Variants in NRXN3 observed in about 807,000 individuals in gnomAD.
The protein encoded by NRXN3 is neurexin 3, also known as neurexin III.
In NRXN3, 32 loss-of-function variants were observed where a neutral mutation model predicts 137.6. The ratio of observed to expected loss-of-function variants is 0.23; its 90% confidence interval spans 0.18 to 0.31. The LOEUF is 0.31. Among genes scored for constraint, NRXN3 ranks in the 10% least tolerant of loss-of-function variants. NRXN3 has a pLI of 1.00. For missense variants in NRXN3, 1,574 were observed against 2,062.5 expected, an observed-to-expected ratio of 0.76 and a Z score of 4.59; for synonymous variants, 798 against 784.5, an observed-to-expected ratio of 1.02 and a Z score of -0.29.
chr14:79,045,480 G>C (rs2099631647), intron 15 of NRXN3, among the ~76,000 whole-genome samples: 1 of 152,122 alleles, frequency 6.6e-6, no homozygotes, highest in Admixed American at 6.5e-5. Context: ...CTGCTGCAGA[G>C]ACTGCAGGTG....
chr14:79,406,586 A>G (rs1328155118), intron 15 of NRXN3, among the ~76,000 whole-genome samples: 1 of 152,084 alleles, frequency 6.6e-6, no homozygotes, highest in African/African-American at 2.4e-5. Context: ...TACAGGCATC[A>G]GCCACTACTT....
At position 79,781,561 on chromosome 14, in the gene NRXN3, G is replaced by GCTA. The variant is rs370652860; in HGVS notation, c.4015-23548_4015-23546dup. Among the ~76,000 whole-genome samples the GCTA allele has an allele frequency of 4.0e-3, 611 of 152,300 alleles. 1 individual carries two copies. The highest frequency in any genetic ancestry group is 0.014 in the African/African-American group (579 of 41,564). ...GGGCCTCAGGCTTCCAGCCCTCTGA[G>GCTA]CTACTGTCTTATAACATTCTGAGGA... On this transcript the variant is annotated intron_variant, in intron 19 of 20. Coordinates refer to ENST00000335750, the MANE Select transcript of NRXN3 (RefSeq NM_001330195.2).
intron 5 of NRXN3, among the ~76,000 whole-genome samples, chr14:78,650,817 A>G (rs2097734639): frequency 6.6e-6 from 1 of 152,208 alleles, no homozygotes; most frequent in African/African-American, 2.4e-5. Context: ...CATGTAAGAA[A>G]TAAACAATCA....
intron 2 of NRXN3, among the ~76,000 whole-genome samples, chr14:78,255,693 A>G (rs2069454883): frequency 6.6e-6 from 1 of 152,214 alleles, no homozygotes; most frequent in South Asian, 2.1e-4. Flanking sequence ...CCCTTAGTTA[A>G]TGCACTTACA....
intron 8 of NRXN3, among the ~76,000 whole-genome samples, chr14:78,741,412 T>C (rs183307154): frequency 2.3e-3 from 343 of 152,300 alleles, no homozygotes; most frequent in African/African-American, 8.0e-3. Flanking sequence ...CTCACCAGCA[T>C]TGCAAGGGAG....
At chr14:78,857,105 T>G (rs550661316) in intron 10 of NRXN3, among the ~76,000 whole-genome samples, 1 of 152,240 alleles carries the variant, frequency 6.6e-6, no homozygotes, top group East Asian at 1.9e-4. Flanking sequence ...ATGCTACACA[T>G]CAAGTATAAA....
At chr14:78,785,733 A>G (rs78577139) in intron 8 of NRXN3, among the ~76,000 whole-genome samples, 1,934 of 152,296 alleles carry the variant, frequency 0.013, 44 homozygotes, top group African/African-American at 0.044. Context: ...GTTTTTGGCA[A>G]GCTAAGGACA....
intron 4 of NRXN3, among the ~76,000 whole-genome samples, chr14:78,430,468 G>A (rs774465268): frequency 6.6e-6 from 1 of 152,182 alleles, no homozygotes; most frequent in Non-Finnish European, 1.5e-5. Context: ...GAGGCTAAGT[G>A]ACTTTCATAA....
intron 17 of NRXN3, among the ~76,000 whole-genome samples, chr14:79,683,488 G>A (rs1257329084): frequency 1.3e-4 from 20 of 152,128 alleles, no homozygotes; most frequent in Admixed American, 1.2e-3. Flanking sequence ...GAACTATGAA[G>A]GGATCTTAAA....
intron 15 of NRXN3, among the ~76,000 whole-genome samples, chr14:79,066,489 T>C (rs992827661): frequency 2.0e-5 from 3 of 152,158 alleles, no homozygotes; most frequent in African/African-American, 7.2e-5. Context: ...TTTGGTTCCA[T>C]ATAAATTTAA....
At position 79,552,692 on chromosome 14, in the gene NRXN3, A is replaced by G. The variant is rs530317407; in HGVS notation, c.3444+85290A>G. Among the ~76,000 whole-genome samples the G allele has an allele frequency of 3.3e-5, 5 of 152,244 alleles. No individual in the cohort carries two copies. The East Asian group carries it at 9.7e-4, about 29-fold the overall frequency. ...TTTTAGAGGAGATGAGTGGCCTGGA[A>G]GAACAGATGATAGCCTGGGACAAAG... is the stretch of plus-strand genomic sequence containing the variant. On this transcript the variant is annotated intron_variant, in intron 16 of 20. Transcript: ENST00000335750.
intron 10 of NRXN3, among the ~76,000 whole-genome samples, chr14:78,877,564 C>T (rs986207106): frequency 3.3e-5 from 5 of 152,204 alleles, no homozygotes; most frequent in African/African-American, 9.6e-5. Context: ...ATCTCATTGA[C>T]CTCATTGTCC....
chr14:79,297,904 G>A (rs1381143839), intron 15 of NRXN3, among the ~76,000 whole-genome samples: 1 of 152,054 alleles, frequency 6.6e-6, no homozygotes, highest in Non-Finnish European at 1.5e-5. Flanking sequence ...AACTTTTAAA[G>A]TGCTGTTTTA....
At chr14:79,299,284 G>A (rs1281619371) in intron 15 of NRXN3, among the ~76,000 whole-genome samples, 1 of 151,936 alleles carries the variant, frequency 6.6e-6, no homozygotes, top group African/African-American at 2.4e-5. Flanking sequence ...CCATGTAGAG[G>A]ACGAAATGTG....
At chr14:78,527,127 C>A (rs547217125) in intron 4 of NRXN3, among the ~76,000 whole-genome samples, 4 of 152,136 alleles carry the variant, frequency 2.6e-5, no homozygotes, top group Non-Finnish European at 5.9e-5. Context: ...AAATTTACCC[C>A]TTTATTTATC....
At chr14:78,598,604 C>T (rs1020435312) in intron 4 of NRXN3, among the ~76,000 whole-genome samples, 1 of 152,230 alleles carries the variant, frequency 6.6e-6, no homozygotes, top group African/African-American at 2.4e-5. Context: ...TAGATGTTTT[C>T]TCTAGCAAAC....
At chr14:78,325,670 G>A (rs2079982718) in intron 4 of NRXN3, among the ~76,000 whole-genome samples, 1 of 151,826 alleles carries the variant, frequency 6.6e-6, no homozygotes, top group Admixed American at 6.6e-5. Flanking sequence ...AGCATAGGGT[G>A]TAAAAAAAAA....
rs922687402 is a variant in NRXN3, at chr14:79,652,033, A to G, written c.3445-11745A>G. ...TGTTCTGCCACTGTTTAAGGACGAT[A>G]TTACAGTTGGATTATAGATGACCTC... On this transcript the variant is annotated intron_variant, in intron 16 of 20. Coordinates refer to ENST00000335750, the MANE Select transcript of NRXN3 (RefSeq NM_001330195.2). 4.6e-5 allele frequency among the ~76,000 whole-genome samples: 7 copies of G among 152,252 alleles called. No homozygotes were observed. The South Asian group carries it at 1.4e-3, about 32-fold the overall frequency.
At chr14:78,413,485 A>G (rs1245149409) in intron 4 of NRXN3, among the ~76,000 whole-genome samples, 5 of 152,060 alleles carry the variant, frequency 3.3e-5, no homozygotes, top group African/African-American at 9.7e-5. Context: ...AGGTTTCTCC[A>G]TGTTGGTCAG....
Sources: gnomAD v4.1 joint callset for allele counts (sites outside exome capture counted in the v4.1 genomes callset) on GRCh38, gnomAD v4.1.1 for gene constraint, MANE v1.5 for transcripts, NCBI Gene and HGNC (gene_info 2026-07-23, HGNC 2026-07-21) for gene names.